The following EDA variants were observed in gnomAD, a reference collection of about 807,000 sequenced individuals.
The protein encoded by EDA is ectodysplasin A.
In EDA, 2 loss-of-function variants were observed where a neutral mutation model predicts 23.6. That is an observed-to-expected ratio of 0.08 (90% confidence interval 0.03 to 0.27). The LOEUF (loss-of-function observed/expected upper bound fraction) is 0.27. EDA is among the 10% of genes least tolerant of loss of function. The pLI, the probability that EDA is intolerant of heterozygous loss-of-function variation, is 1.00. For synonymous variants in EDA, 131 were observed against 132.0 expected (o/e 0.99, Z 0.05); for missense variants, 229 against 324.2 (o/e 0.71, Z 2.26).
At chrX:69,769,837 T>C (rs1448262093) in intron 1 of EDA, among the ~76,000 whole-genome samples, 1 of 111,421 alleles carries the variant, frequency 9.0e-6, no homozygotes, top group African/African-American at 3.3e-5. Flanking sequence ...ACATTTCTTA[T>C]ACTATGGGTA....
intron 1 of EDA, among the ~76,000 whole-genome samples, chrX:69,649,246 C>T (rs1256265387): frequency 8.9e-6 from 1 of 112,207 alleles, no homozygotes; most frequent in African/African-American, 3.2e-5. Context: ...AGAGTGTTAG[C>T]TAATGCATAT....
chrX:69,722,521 T>C (rs2012626537), intron 1 of EDA, among the ~76,000 whole-genome samples: 1 of 112,234 alleles, frequency 8.9e-6, no homozygotes, highest in African/African-American at 3.2e-5. Context: ...AATATTTTTC[T>C]TTCTCTTTGT....
chrX:69,712,818 C>T (rs1290244292), intron 1 of EDA, among the ~76,000 whole-genome samples: 1 of 111,084 alleles, frequency 9.0e-6, no homozygotes, highest in East Asian at 2.8e-4. Context: ...ACCCAAATGT[C>T]CAACAATGAT....
chrX:69,877,601 G>T (rs770580396), intron 1 of EDA, among the ~76,000 whole-genome samples: 1 of 110,485 alleles, frequency 9.1e-6, no homozygotes, highest in African/African-American at 3.3e-5. Context: ...CATGTGATTT[G>T]TAAATATTTT....
chrX:69,662,019 T>C (rs2147256613), intron 1 of EDA, among the ~76,000 whole-genome samples: 1 of 111,291 alleles, frequency 9.0e-6, no homozygotes, highest in African/African-American at 3.3e-5. Context: ...CCAAATACAG[T>C]ACAATTTTAT....
chrX:69,698,233 C>T (rs1347131534), intron 1 of EDA, among the ~76,000 whole-genome samples: 1 of 111,487 alleles, frequency 9.0e-6, no homozygotes, highest in Non-Finnish European at 1.9e-5. Context: ...GAGGGTGTTG[C>T]CCACTGTTAA....
intron 1 of EDA, among the ~76,000 whole-genome samples, chrX:69,785,215 A>T (rs2015114766): frequency 1.0e-5 from 1 of 95,287 alleles, no homozygotes; most frequent in Non-Finnish European, 2.2e-5. Flanking sequence ...GGTTTTCTAG[A>T]TATACAATCA....
At chrX:69,712,271 G>A (rs985062271) in intron 1 of EDA, among the ~76,000 whole-genome samples, 1 of 110,721 alleles carries the variant, frequency 9.0e-6, no homozygotes, top group East Asian at 2.8e-4. Context: ...TCATTCATTC[G>A]GAGTAATTAT....
At chrX:69,798,811 A>G (rs1200690136) in intron 1 of EDA, among the ~76,000 whole-genome samples, 2 of 111,411 alleles carry the variant, frequency 1.8e-5, no homozygotes, top group South Asian at 3.8e-4. Flanking sequence ...GAGACTAAAA[A>G]AATACAAAGG....
intron 1 of EDA, among the ~76,000 whole-genome samples, chrX:69,867,760 G>T (rs756773080): frequency 4.0e-4 from 45 of 112,243 alleles, no homozygotes; most frequent in African/African-American, 1.3e-3. Context: ...CATTGGTGCA[G>T]GCTGGGGGAG....
chrX:69,721,570 A>G lies in EDA; in HGVS notation c.396+104866A>G, dbSNP rs1394526551. On this transcript the variant is annotated intron_variant, in intron 1 of 7. Transcript: ENST00000374552. ...CTGCTCATTGCTGGTTGGGCTCCCA[A>G]TTGATCCACCGTGCTGGTGACATTG... Among the ~76,000 whole-genome samples, 6 of 110,917 alleles carry G rather than the reference A, an allele frequency of 5.4e-5. No homozygotes were observed. In the East Asian group the frequency reaches 1.7e-3, roughly 32 times the overall value.
At chrX:69,934,485 A>G (rs1401628255) in intron 1 of EDA, among the ~76,000 whole-genome samples, 1 of 111,725 alleles carries the variant, frequency 9.0e-6, no homozygotes, top group South Asian at 3.8e-4. Flanking sequence ...CTGTCATTTT[A>G]TCTGCCAATC....
chrX:69,831,212 C>T (rs370032762), intron 1 of EDA, among the ~76,000 whole-genome samples: 1 of 111,438 alleles, frequency 9.0e-6, no homozygotes, highest in Non-Finnish European at 1.9e-5. Flanking sequence ...TATACCTCCC[C>T]CAGCCCCTTA....
chrX:69,676,902 T>A (rs779171811), intron 1 of EDA, among the ~76,000 whole-genome samples: 56 of 106,759 alleles, frequency 5.2e-4, no homozygotes, highest in Non-Finnish European at 8.1e-4. Flanking sequence ...TATGTATACA[T>A]GTGCCATGCT....
In EDA at chrX:69,922,724, C is replaced by T. The variant is rs531288799; in HGVS notation, c.397-34303C>T. Among the ~76,000 whole-genome samples the T allele has an allele frequency of 2.8e-4, 31 of 111,314 alleles. 1 individual carries two copies. In the South Asian group the frequency reaches 0.011, roughly 41 times the overall value. On this transcript the variant is annotated intron_variant, in intron 1 of 7. Coordinates refer to ENST00000374552, the MANE Select transcript of EDA (RefSeq NM_001399.5). ...GGCTGCTACCTTTTTATAAATGTGT[C>T]GATTTGTGCTTCTGTACTAATTAGC...
At chrX:69,663,405 C>A (rs1486633215) in intron 1 of EDA, among the ~76,000 whole-genome samples, 1 of 112,313 alleles carries the variant, frequency 8.9e-6, no homozygotes, top group Non-Finnish European at 1.9e-5. Flanking sequence ...GGTGCAAGCC[C>A]CAATTTTTGG....
intron 1 of EDA, among the ~76,000 whole-genome samples, chrX:69,837,107 A>G (rs1163237385): frequency 8.9e-6 from 1 of 112,020 alleles, no homozygotes; most frequent in African/African-American, 3.2e-5. Context: ...TGATACAGGC[A>G]TACCATGCAT....
chrX:69,703,140 C>T (rs1366032371), intron 1 of EDA, among the ~76,000 whole-genome samples: 1 of 111,307 alleles, frequency 9.0e-6, no homozygotes, highest in Non-Finnish European at 1.9e-5. Flanking sequence ...GATCAAATGG[C>T]TTAGAAGTGT....
At chrX:69,635,566 CTTTTTTT>C (rs138087284) in intron 1 of EDA, among the ~76,000 whole-genome samples, 12,936 of 63,483 alleles carry the variant, frequency 0.2, 858 homozygotes, top group South Asian at 0.25. Context: ...AACACCAAAT[CTTTTTTT>C]TTTTTTTTTT....
Sources: gnomAD v4.1 joint callset for allele counts (sites outside exome capture counted in the v4.1 genomes callset) on GRCh38, gnomAD v4.1.1 for gene constraint, MANE v1.5 for transcripts, NCBI Gene and HGNC (gene_info 2026-07-23, HGNC 2026-07-21) for gene names.